Variants in QTMAN observed in about 807,000 individuals in gnomAD.
QTMAN encodes queuosine-tRNA mannosyltransferase.
chr2:144,256,026 A>T, the QTMAN span, among the ~76,000 whole-genome samples: 1 of 152,230 alleles, frequency 6.6e-6, no homozygotes, highest in Non-Finnish European at 1.5e-5. Flanking sequence ...TTATTTTTAA[A>T]TTAATTACAT....
At chr2:144,180,594 C>A in the QTMAN span, among the ~76,000 whole-genome samples, 2 of 152,184 alleles carry the variant, frequency 1.3e-5, no homozygotes, top group African/African-American at 2.4e-5. Context: ...CAAATAATTA[C>A]AATTTTAAAT....
the QTMAN span, among the ~76,000 whole-genome samples, chr2:144,042,281 T>C: frequency 6.6e-6 from 1 of 151,802 alleles, no homozygotes; most frequent in Non-Finnish European, 1.5e-5. Flanking sequence ...AAGCAAGAGA[T>C]TATGGGCAGG....
the QTMAN span, among the ~76,000 whole-genome samples, chr2:144,113,018 G>C: frequency 6.6e-6 from 1 of 152,032 alleles, no homozygotes; most frequent in African/African-American, 2.4e-5. Flanking sequence ...ATTTAAGTAG[G>C]ATCCAGAGTC....
the QTMAN span, among the ~76,000 whole-genome samples, chr2:144,069,069 G>A: frequency 3.9e-5 from 6 of 152,002 alleles, no homozygotes; most frequent in Admixed American, 1.3e-4. Context: ...TGGAAAGTAC[G>A]GCTAAAATCC....
the QTMAN span, among the ~76,000 whole-genome samples, chr2:144,110,284 T>C: frequency 2.0e-5 from 3 of 152,010 alleles, no homozygotes; most frequent in Admixed American, 6.6e-5. Context: ...AGCAAACTAT[T>C]GCAAGGACAA....
the QTMAN span, among the ~76,000 whole-genome samples, chr2:144,122,382 A>G: frequency 6.6e-6 from 1 of 152,198 alleles, no homozygotes; most frequent in Non-Finnish European, 1.5e-5. Context: ...TACACTAGCT[A>G]AGAAAATATT....
the QTMAN span, among the ~76,000 whole-genome samples, chr2:144,201,693 C>T: frequency 6.6e-6 from 1 of 152,082 alleles, no homozygotes; most frequent in Admixed American, 6.6e-5. Flanking sequence ...AACATAAAAG[C>T]TCTTAATAAA....
At chr2:143,979,620 T>G in the QTMAN span, among the ~76,000 whole-genome samples, 2 of 152,232 alleles carry the variant, frequency 1.3e-5, no homozygotes, top group Non-Finnish European at 2.9e-5. Context: ...AAGCATATTT[T>G]TACAATACCT....
chr2:143,976,486 T>G, the QTMAN span, among the ~76,000 whole-genome samples: 1 of 152,204 alleles, frequency 6.6e-6, no homozygotes, highest in Non-Finnish European at 1.5e-5. Flanking sequence ...TTCAAAAACA[T>G]GAGGCTTCTA....
chr2:144,034,017 G>A, the QTMAN span, among the ~76,000 whole-genome samples: 8 of 152,284 alleles, frequency 5.3e-5, no homozygotes, highest in South Asian at 4.1e-4. Context: ...GTAAGTCTTC[G>A]AATATCCAGG....
At chr2:143,966,072 G>C in the QTMAN span, among the ~76,000 whole-genome samples, 126 of 152,154 alleles carry the variant, frequency 8.3e-4, no homozygotes, top group Non-Finnish European at 1.3e-3. Flanking sequence ...CACATGAGTG[G>C]CCAGGAATTT....
chr2:143,954,102 A>AT, the QTMAN span, among the ~76,000 whole-genome samples: 4 of 151,878 alleles, frequency 2.6e-5, no homozygotes, highest in African/African-American at 4.8e-5. Context: ...AATACCTCAT[A>AT]TTTTTTGATA....
chr2:144,056,380 A>C, the QTMAN span, among the ~76,000 whole-genome samples: 3 of 152,212 alleles, frequency 2.0e-5, no homozygotes, highest in Non-Finnish European at 4.4e-5. Flanking sequence ...CTGAAGGTTG[A>C]AGTTTATGAT....
At chr2:143,958,753 G>T in the QTMAN span, among the ~76,000 whole-genome samples, 1 of 149,222 alleles carries the variant, frequency 6.7e-6, no homozygotes, top group Non-Finnish European at 1.5e-5. Context: ...TATAGAGAGA[G>T]AGTTTGGGTG....
chr2:144,288,392 T>C, the QTMAN span, among the ~76,000 whole-genome samples: 1 of 152,194 alleles, frequency 6.6e-6, no homozygotes, highest in African/African-American at 2.4e-5. Context: ...TACGATTAAA[T>C]GTTAGGGTGA....
chr2:144,152,781 T>C, the QTMAN span, among the ~76,000 whole-genome samples: 1 of 152,202 alleles, frequency 6.6e-6, no homozygotes, highest in Non-Finnish European at 1.5e-5. Context: ...GTATAAGATA[T>C]CACCCCGTTC....
chr2:143,955,170 C>T, the QTMAN span, among the ~76,000 whole-genome samples: 4 of 151,952 alleles, frequency 2.6e-5, no homozygotes, highest in Admixed American at 6.6e-5. Flanking sequence ...TGCTAATTAT[C>T]GACAGCACTT....
chr2:144,126,394 G>A, the QTMAN span, among the ~76,000 whole-genome samples: 1 of 151,826 alleles, frequency 6.6e-6, no homozygotes, highest in South Asian at 2.1e-4. Context: ...AGCTCTCCAG[G>A]TGATTATGAT....
At chr2:144,241,037 T>C in the QTMAN span, among the ~76,000 whole-genome samples, 2 of 152,168 alleles carry the variant, frequency 1.3e-5, no homozygotes, top group East Asian at 3.8e-4. Flanking sequence ...CAATAATTTA[T>C]AGACACTACT....
Sources: allele counts gnomAD v4.1 joint callset (sites outside exome capture counted in the v4.1 genomes callset), GRCh38; gene constraint gnomAD v4.1.1; transcripts MANE v1.5; gene names NCBI Gene and HGNC (gene_info 2026-07-23, HGNC 2026-07-21).